GRB2: variants seen among roughly 807,000 people sequenced by gnomAD.
GRB2 encodes the protein growth factor receptor-bound protein 2.
A neutral mutation model predicts 27.4 loss-of-function variants in GRB2; 2 were observed. The observed-to-expected ratio is 0.07, with a 90% CI of 0.03 to 0.23. The LOEUF is 0.23. GRB2 is among the 10% of genes least tolerant of loss of function. The pLI, the probability that GRB2 is intolerant of heterozygous loss-of-function variation, is 1.00. For synonymous variants in GRB2, 94 were observed against 99.6 expected, an observed-to-expected ratio of 0.94 and a Z score of 0.33; for missense variants, 102 against 282.4, an observed-to-expected ratio of 0.36 and a Z score of 4.58.
intron 3 of GRB2, among the ~76,000 whole-genome samples, chr17:75,327,679 TCTTA>T (rs2078509007): frequency 6.6e-6 from 1 of 152,152 alleles, no homozygotes; most frequent in Admixed American, 6.5e-5. Flanking sequence ...AATTTACATA[TCTTA>T]CTTATAAGCA....
intron 2 of GRB2, among the ~76,000 whole-genome samples, chr17:75,359,032 G>A (rs2078758593): frequency 6.8e-6 from 1 of 147,274 alleles, no homozygotes; most frequent in South Asian, 2.1e-4. Flanking sequence ...CACCAACATA[G>A]TGAAATTCTG....
chr17:75,376,520 C>CAA (rs1001049290), intron 2 of GRB2, among the ~76,000 whole-genome samples: 12,532 of 124,346 alleles, frequency 0.1, 834 homozygotes, highest in Non-Finnish European at 0.14. Context: ...GACTCTGTTT[C>CAA]AAAAAAAAAA....
intron 2 of GRB2, among the ~76,000 whole-genome samples, chr17:75,363,039 T>C (rs892760963): frequency 2.6e-5 from 4 of 152,126 alleles, no homozygotes; most frequent in Non-Finnish European, 5.9e-5. Context: ...GCAGAAAGTA[T>C]AAAACCCTTT....
At chr17:75,362,710 C>T (rs1326931159) in intron 2 of GRB2, among the ~76,000 whole-genome samples, 2 of 152,158 alleles carry the variant, frequency 1.3e-5, no homozygotes, top group Non-Finnish European at 2.9e-5. Flanking sequence ...CATGCTCCCA[C>T]CCACAATATC....
At chr17:75,393,456 G>T in intron 2 of GRB2, 95 bp downstream of exon 2, 1 of 965,608 alleles carries the variant, frequency 1.0e-6, no homozygotes, top group Non-Finnish European at 1.7e-6. Flanking sequence ...AGTGTACAAT[G>T]AAAAACACAG....
At chr17:75,400,063 T>C (rs2079054631) in intron 1 of GRB2, among the ~76,000 whole-genome samples, 1 of 151,814 alleles carries the variant, frequency 6.6e-6, no homozygotes. Context: ...GTGGGTGCCA[T>C]CTTGGCTCAC....
At chr17:75,327,968 T>TG (rs1383190658) in intron 3 of GRB2, among the ~76,000 whole-genome samples, 1 of 151,714 alleles carries the variant, frequency 6.6e-6, no homozygotes, top group Non-Finnish European at 1.5e-5. Flanking sequence ...GGGCCTGCAG[T>TG]GCCTGGAAAT....
intron 1 of GRB2, among the ~76,000 whole-genome samples, chr17:75,401,879 A>G (rs187322866): frequency 6.6e-6 from 1 of 152,358 alleles, no homozygotes; most frequent in Non-Finnish European, 1.5e-5. Flanking sequence ...TATTATTATA[A>G]TGTAGTATAA....
intron 2 of GRB2, among the ~76,000 whole-genome samples, chr17:75,333,122 C>T (rs1567858539): frequency 6.6e-6 from 1 of 151,902 alleles, no homozygotes; most frequent in Non-Finnish European, 1.5e-5. Context: ...GTCGCCCAGG[C>T]TGAAGTGCAG....
chr17:75,388,347 T>C (rs1383409035), intron 2 of GRB2, among the ~76,000 whole-genome samples: 1 of 151,894 alleles, frequency 6.6e-6, no homozygotes, highest in Non-Finnish European at 1.5e-5. Flanking sequence ...AAATGATCCA[T>C]GCGCCTCGGC....
At chr17:75,338,892 A>G in intron 2 of GRB2, 1 of 842,182 alleles carries the variant, frequency 1.2e-6, no homozygotes, top group Non-Finnish European at 2.1e-6. Context: ...AACCCCACAA[A>G]GTGACACAGT....
intron 2 of GRB2, among the ~76,000 whole-genome samples, chr17:75,385,662 G>C (rs2078959284): frequency 6.6e-6 from 1 of 152,236 alleles, no homozygotes; most frequent in African/African-American, 2.4e-5. Context: ...TTTTTTGTCA[G>C]TAAAATGGGG....
intron 2 of GRB2, among the ~76,000 whole-genome samples, chr17:75,370,389 T>G (rs556839779): frequency 6.6e-6 from 1 of 152,212 alleles, no homozygotes; most frequent in East Asian, 1.9e-4. Flanking sequence ...AAGAGAGAAT[T>G]TGTACCACTT....
At chr17:75,350,166 T>C (rs2078680903) in intron 2 of GRB2, among the ~76,000 whole-genome samples, 1 of 149,670 alleles carries the variant, frequency 6.7e-6, no homozygotes, top group Non-Finnish European at 1.5e-5. Flanking sequence ...TATAGTGTGC[T>C]ATGATTGCAC....
intron 2 of GRB2, among the ~76,000 whole-genome samples, chr17:75,361,445 A>G (rs1051557457): frequency 1.3e-5 from 2 of 152,168 alleles, no homozygotes; most frequent in Non-Finnish European, 1.5e-5. Flanking sequence ...AAATGGGTCT[A>G]AACACTTGAC....
chr17:75,401,015 T>C (rs1388068752), intron 1 of GRB2, among the ~76,000 whole-genome samples: 2 of 149,802 alleles, frequency 1.3e-5, no homozygotes, highest in African/African-American at 4.9e-5. Context: ...CAGGCTAGAG[T>C]GCAGTGGTAT....
chr17:75,338,453 T>C (rs1382086539), intron 2 of GRB2, among the ~76,000 whole-genome samples: 1 of 152,200 alleles, frequency 6.6e-6, no homozygotes, highest in Non-Finnish European at 1.5e-5. Context: ...TCACTCCCTC[T>C]GCACAAATCC....
In GRB2 at chr17:75,321,699, T is replaced by C; in HGVS notation, c.428A>G (p.Asn143Ser). The change falls in exon 5 of 6, where the codon AAC (asparagine) becomes AGC (serine). Residue 143 changes from asparagine (N) to serine (S), a missense_variant. This residue lies in a region of GRB2 where 57 missense variants were observed against 152.9 expected (regional missense o/e 0.37). Coordinates refer to ENST00000316804, the MANE Select transcript of GRB2 (RefSeq NM_002086.5). ...TATGTCCCGCAGGAATATCTGCTGG[T>C]TTCTGGAGACAGATGTAGATCTGTG... ...DYHRSTSVSR[N>S]QQIFLRDIEQ... The C allele has an allele frequency of 6.2e-7, 1 of 1,614,170 alleles. No homozygotes were observed. Among genetic ancestry groups the C allele is most frequent in the Non-Finnish European group, 8.5e-7 (1 of 1,180,016 alleles).
intron 3 of GRB2, among the ~76,000 whole-genome samples, chr17:75,332,262 TA>T (rs1435964710): frequency 2.0e-5 from 3 of 152,180 alleles, no homozygotes. Flanking sequence ...GATGGAGGGA[TA>T]AACATTTATT....
Sources: allele counts gnomAD v4.1 joint callset (sites outside exome capture counted in the v4.1 genomes callset), GRCh38; gene constraint gnomAD v4.1.1; regional missense constraint gnomAD v4.1.1; transcripts MANE v1.5; gene names NCBI Gene and HGNC (gene_info 2026-07-23, HGNC 2026-07-21).